Variants in DNM3 observed in about 807,000 individuals in gnomAD.
The protein encoded by DNM3 is dynamin-3.
A neutral mutation model predicts 101.6 loss-of-function variants in DNM3; 47 were observed. The ratio of observed to expected loss-of-function variants is 0.46; its 90% CI spans 0.37 to 0.59. The LOEUF is 0.59. DNM3 is among the 20% of genes least tolerant of loss of function. The probability of loss-of-function intolerance (pLI) is 0.00; values close to 1 mark genes in which losing one functional copy is unlikely to be tolerated. For synonymous variants in DNM3, 385 were observed against 387.9 expected (o/e 0.99, Z 0.09); for missense variants, 849 against 1,085.7 (o/e 0.78, Z 3.06).
chr1:172,269,032 C>T (rs1171273319), intron 15 of DNM3, among the ~76,000 whole-genome samples: 1 of 152,164 alleles, frequency 6.6e-6, no homozygotes, highest in Admixed American at 6.5e-5. Flanking sequence ...ATAGAATCAG[C>T]AACTTCAGTT....
At chr1:172,174,174 T>C (rs776333941) in intron 14 of DNM3, among the ~76,000 whole-genome samples, 5 of 151,700 alleles carry the variant, frequency 3.3e-5, no homozygotes, top group Non-Finnish European at 7.4e-5. Flanking sequence ...AGACTATGCT[T>C]TAGAATATTA....
chr1:172,078,911 C>T (rs967981486), intron 11 of DNM3, among the ~76,000 whole-genome samples: 3 of 151,582 alleles, frequency 2.0e-5, no homozygotes, highest in Non-Finnish European at 3.0e-5. Context: ...TGAAACTCTG[C>T]GTTGAAATTT....
At chr1:172,415,011 G>C (rs527602930), downstream of DNM3, among the ~76,000 whole-genome samples, 4 of 152,332 alleles carry the variant, frequency 2.6e-5, no homozygotes, top group African/African-American at 2.4e-5. Context: ...TTGAGCCCAG[G>C]AGTTTGAGAC....
At chr1:171,856,120 G>A (rs2033587773) in intron 1 of DNM3, among the ~76,000 whole-genome samples, 1 of 152,180 alleles carries the variant, frequency 6.6e-6, no homozygotes, top group South Asian at 2.1e-4. Context: ...TTATTGAATA[G>A]GTAGTCCTTT....
chr1:172,185,738 C>G (rs2148413533), intron 14 of DNM3, among the ~76,000 whole-genome samples: 1 of 152,184 alleles, frequency 6.6e-6, no homozygotes, highest in South Asian at 2.1e-4. Context: ...TAGATAAGAA[C>G]AACTGCTGAA....
chr1:172,323,808 A>G (rs1229467861), intron 17 of DNM3, among the ~76,000 whole-genome samples: 1 of 152,134 alleles, frequency 6.6e-6, no homozygotes, highest in Non-Finnish European at 1.5e-5. Flanking sequence ...GAACTAGATC[A>G]GTGTTCTGGC....
chr1:171,909,577 A>G (rs1199383751), intron 1 of DNM3, among the ~76,000 whole-genome samples: 1 of 152,180 alleles, frequency 6.6e-6, no homozygotes, highest in East Asian at 1.9e-4. Context: ...TGGTGAGGTT[A>G]CAGCTGAAAC....
intron 14 of DNM3, among the ~76,000 whole-genome samples, chr1:172,135,032 G>A (rs771563249): frequency 5.9e-5 from 9 of 152,118 alleles, no homozygotes; most frequent in South Asian, 2.1e-4. Flanking sequence ...GGAAGAGGGC[G>A]AAACTGGACT....
chr1:172,312,512 C>G (rs1285834219), intron 16 of DNM3, among the ~76,000 whole-genome samples: 1 of 152,102 alleles, frequency 6.6e-6, no homozygotes, highest in Non-Finnish European at 1.5e-5. Flanking sequence ...AAAATACATT[C>G]TCACTATATA....
rs140903678 is a variant in DNM3, at chr1:172,200,905, G to A, written c.1660-52668G>A. On this transcript the variant is annotated intron_variant, in intron 14 of 20. Transcript: ENST00000627582. ...AATTTTATTTCTGTCATTACAGCCC[G>A]TTCAGCCTGGCCATTTGGAGGACAT... Among the ~76,000 whole-genome samples the A allele has an allele frequency of 7.8e-4, 119 of 152,030 alleles. 2 individuals are homozygous for A. Among genetic ancestry groups the A allele is most frequent in the Non-Finnish European group, 1.0e-3 (68 of 67,996 alleles).
intron 16 of DNM3, among the ~76,000 whole-genome samples, chr1:172,316,017 C>A (rs1306122025): frequency 2.6e-5 from 4 of 152,006 alleles, no homozygotes; most frequent in African/African-American, 9.7e-5. Flanking sequence ...AAAGGGAAGC[C>A]CATCAGACTA....
Position 171,944,855 on chromosome 1 carries a change from C to CTTTTT in DNM3, c.235+23056_235+23060dup, listed in dbSNP as rs71561600. Among the ~76,000 whole-genome samples, 36 of 87,394 alleles carry CTTTTT rather than the reference C, an allele frequency of 4.1e-4. 10 individuals carry two copies. The highest frequency in any genetic ancestry group is 5.1e-4 in the African/African-American group (10 of 19,796). The allele number at this position is 87,394 out of a possible 152,430, so 57.3% of individuals were successfully genotyped here. On this transcript the variant is annotated intron_variant, in intron 2 of 20. Coordinates refer to ENST00000627582, the MANE Select transcript of DNM3 (RefSeq NM_015569.5). ...TTGTTTTCTTTTTTTTTGGTGTTTC[C>CTTTTT]TTTTTTTTTTTTTTTTTTTTTTTTT... is the stretch of plus-strand genomic sequence containing the variant.
intron 12 of DNM3, among the ~76,000 whole-genome samples, chr1:172,084,326 GCACACATACA>G (rs1379115204): frequency 6.6e-6 from 1 of 151,996 alleles, no homozygotes; most frequent in East Asian, 1.9e-4. Context: ...ATGCACGTGT[GCACACATACA>G]CACACATACA....
chr1:171,874,219 T>C (rs2035554569), intron 1 of DNM3, among the ~76,000 whole-genome samples: 1 of 152,202 alleles, frequency 6.6e-6, no homozygotes, highest in Admixed American at 6.5e-5. Context: ...GGGATGTCAC[T>C]AATATGCATA....
intron 13 of DNM3, among the ~76,000 whole-genome samples, chr1:172,094,224 A>T (rs1001773714): frequency 1.3e-5 from 2 of 152,198 alleles, no homozygotes; most frequent in Non-Finnish European, 2.9e-5. Flanking sequence ...GCATTTATTT[A>T]AAAAAACAGA....
intron 2 of DNM3, among the ~76,000 whole-genome samples, chr1:171,955,459 G>A (rs2042792724): frequency 6.6e-6 from 1 of 152,106 alleles, no homozygotes; most frequent in Non-Finnish European, 1.5e-5. Context: ...CATCAGAGAG[G>A]AATATGAGAT....
At chr1:172,007,511 A>G (rs1301719403) in intron 4 of DNM3, among the ~76,000 whole-genome samples, 1 of 152,110 alleles carries the variant, frequency 6.6e-6, no homozygotes, top group Non-Finnish European at 1.5e-5. Context: ...TTAAGTAATG[A>G]GTTAAAAATA....
intron 15 of DNM3, among the ~76,000 whole-genome samples, chr1:172,280,386 A>T (rs1056408443): frequency 6.6e-6 from 1 of 152,162 alleles, no homozygotes; most frequent in Non-Finnish European, 1.5e-5. Flanking sequence ...AATCTTTTTT[A>T]AAAAATTTAT....
intron 14 of DNM3, among the ~76,000 whole-genome samples, chr1:172,146,705 A>G (rs1355090792): frequency 1.3e-5 from 2 of 152,166 alleles, no homozygotes; most frequent in African/African-American, 4.8e-5. Context: ...GAGGAGCCAT[A>G]AACCACTGAA....
Sources: allele counts gnomAD v4.1 joint callset (sites outside exome capture counted in the v4.1 genomes callset), GRCh38; gene constraint gnomAD v4.1.1; transcripts MANE v1.5; gene names NCBI Gene and HGNC (gene_info 2026-07-23, HGNC 2026-07-21).